WRAP53: variants seen among roughly 807,000 people sequenced by gnomAD.
WRAP53 encodes the protein WD repeat containing antisense to TP53.
WRAP53 carries 28 observed loss-of-function variants against 56.6 expected under a neutral mutation model. The ratio of observed to expected loss-of-function variants is 0.50; its 90% CI spans 0.37 to 0.68. The LOEUF (loss-of-function observed/expected upper bound fraction) is 0.68. Among genes scored for constraint, WRAP53 ranks in the 30% least tolerant of loss-of-function variants. The pLI, the probability that WRAP53 is intolerant of heterozygous loss-of-function variation, is 0.00. For synonymous variants in WRAP53, 283 were observed against 283.4 expected, an observed-to-expected ratio of 1.00 and a Z score of 0.01; for missense variants, 671 against 715.5, an observed-to-expected ratio of 0.94 and a Z score of 0.71.
At chr17:7,691,612 C>T (rs1359624935) in intron 4 of WRAP53, among the ~76,000 whole-genome samples, 1 of 151,900 alleles carries the variant, frequency 6.6e-6, no homozygotes, top group Non-Finnish European at 1.5e-5. Context: ...AGGATGGTCT[C>T]GTACTCCTGA....
At chr17:7,694,060 A>C in intron 4 of WRAP53, among the ~76,000 whole-genome samples, 1 of 152,110 alleles carries the variant, frequency 6.6e-6, no homozygotes, top group Non-Finnish European at 1.5e-5. Context: ...AGGCGGGTGG[A>C]TCACCTAAGG....
At chr17:7,691,252 C>T (rs1840414630) in intron 4 of WRAP53, among the ~76,000 whole-genome samples, 1 of 150,294 alleles carries the variant, frequency 6.7e-6, no homozygotes, top group Admixed American at 6.6e-5. Context: ...AAACACAAAA[C>T]AAAAAACCCA....
intron 4 of WRAP53, among the ~76,000 whole-genome samples, chr17:7,697,541 C>G (rs1453769970): frequency 1.3e-5 from 2 of 151,816 alleles, no homozygotes; most frequent in Non-Finnish European, 2.9e-5. Flanking sequence ...TGCCTGTGGT[C>G]CCGGCTCCTT....
chr17:7,699,469 TA>T (rs2074233607), intron 4 of WRAP53, among the ~76,000 whole-genome samples: 1 of 10,838 alleles, frequency 9.2e-5, no homozygotes, highest in Non-Finnish European at 1.3e-4. Flanking sequence ...TATATATATA[TA>T]TATATTTATA....
In WRAP53 at chr17:7,701,134, A is replaced by G. The variant is rs1321191575; in HGVS notation, c.731+305A>G. ...ATTACAGGTGTGCACCACCACACCC[A>G]GCTAATTGTGTATTTTTCATAGAGA... is the stretch of plus-strand genomic sequence containing the variant. On this transcript the variant is annotated intron_variant, in intron 5 of 10. Coordinates refer to ENST00000396463, the MANE Select transcript of WRAP53 (RefSeq NM_001143992.2). This position sits in a 1 kb window ranked among gnomAD's most constrained non-coding sequence, Gnocchi z 4.2. Among the ~76,000 whole-genome samples the G allele has an allele frequency of 1.3e-5, 2 of 152,118 alleles. No homozygotes were observed. Among genetic ancestry groups the G allele is most frequent in the African/African-American group, 2.4e-5 (1 of 41,444 alleles).
At chr17:7,686,591 G>T (rs1402641303), upstream of WRAP53, 1 of 152,248 alleles carries the variant, frequency 6.6e-6, no homozygotes, top group East Asian at 1.9e-4. Context: ...CCGGCCTAAA[G>T]GACATTTTCT....
Position 7,703,357 on chromosome 17 carries a change from C to G in WRAP53, c.1518C>G (p.Arg506=), listed in dbSNP as rs1426273101. The G allele has an allele frequency of 4.3e-6, 7 of 1,614,036 alleles. No homozygotes were observed. The South Asian group carries it at 7.7e-5, about 18-fold the overall frequency. Residue 506 remains arginine (R), a synonymous_variant, in exon 11 of 11, where the codon CGC becomes CGG. Transcript: ENST00000396463. ...TGGGCCTTCCCTTGCTCTCCACGCG[C>G]CACGTCCACCTTGAATGTCGGCTTC... ...EELGLPLLST[R]HVHLECRLQL...
chr17:7,686,117 A>AG (rs1567566734), upstream of WRAP53: 1 of 152,206 alleles, frequency 6.6e-6, no homozygotes, highest in Admixed American at 6.5e-5. Flanking sequence ...CTCGGGCCGG[A>AG]GGGCTGCACG....
chr17:7,693,326 C>G (rs1270786808), intron 4 of WRAP53, among the ~76,000 whole-genome samples: 1 of 152,076 alleles, frequency 6.6e-6, no homozygotes, highest in Non-Finnish European at 1.5e-5. Context: ...TCTTTCCTGG[C>G]AAGTTAAATG....
intron 4 of WRAP53, among the ~76,000 whole-genome samples, chr17:7,699,522 T>TTTATATATATATATATATATATATA (rs1429418083): frequency 7.1e-5 from 1 of 14,108 alleles, no homozygotes; most frequent in African/African-American, 3.5e-4. Flanking sequence ...ATATATATAT[T>TTTATATATATATATATATATATATA]TATATATATA....
At chr17:7,689,535 C>T in intron 3 of WRAP53, 55 bp from the exon 4 acceptor site, 1 of 1,550,840 alleles carries the variant, frequency 6.4e-7, no homozygotes, top group South Asian at 1.1e-5. Flanking sequence ...CAGCCCTAGC[C>T]CTACACTTGA....
rs1434364608 is a variant in WRAP53 at position 7,702,739 on chromosome 17, C to G, written c.1165-4C>G. The G allele has an allele frequency of 1.2e-6, 2 of 1,613,154 alleles. No homozygotes were observed. Among genetic ancestry groups the G allele is most frequent in the Non-Finnish European group, 1.7e-6 (2 of 1,179,960 alleles). ...TGACTCCAGGTCCTGTTCCTTGTCT[C>G]CAGGATGCTGAGCTCCTGTGCTGGG... On this transcript the variant is annotated splice_polypyrimidine_tract_variant and splice_region_variant and intron_variant, in intron 8 of 10. Transcript: ENST00000396463. The surrounding 1 kb of genome is among the most constrained non-coding windows in gnomAD (Gnocchi z 5.0).
chr17:7,695,372 C>A (rs1235861520), intron 4 of WRAP53, among the ~76,000 whole-genome samples: 1 of 152,124 alleles, frequency 6.6e-6, no homozygotes, highest in East Asian at 1.9e-4. Flanking sequence ...TTTCTCCTTT[C>A]TTTTCCACCT....
At chr17:7,700,887 C>G in intron 5 of WRAP53, 58 bp downstream of exon 5, 1 of 1,320,616 alleles carries the variant, frequency 7.6e-7, no homozygotes, top group Non-Finnish European at 1.1e-6. Flanking sequence ...AGCAGGGCCT[C>G]TTGGGAGAGT....
chr17:7,691,909 T>A (rs189069037), intron 4 of WRAP53, among the ~76,000 whole-genome samples: 1 of 151,980 alleles, frequency 6.6e-6, no homozygotes, highest in Admixed American at 6.5e-5. Flanking sequence ...CCATCTCAGC[T>A]CACCGCAACC....
Position 7,701,735 on chromosome 17 carries a change from C to T in WRAP53, c.901C>T (p.Arg301Cys), listed in dbSNP as rs774657140. The T allele has an allele frequency of 1.1e-5, 17 of 1,614,096 alleles. No individual in the cohort carries two copies. Among genetic ancestry groups the T allele is most frequent in the African/African-American group, 1.3e-5 (1 of 74,932 alleles). Residue 301 changes from arginine to cysteine, a missense_variant, in exon 7 of 11, where the codon CGT (arginine) becomes TGT (cysteine). By Grantham distance (180) the Arg-to-Cys change is radical. Transcript: ENST00000396463. The surrounding 1 kb of genome is among the most constrained non-coding windows in gnomAD (Gnocchi z 4.2). ...QLFCGFNRTV[R>C]VFSTARPGRD... is the part of the protein sequence containing the mutation. ...CTTCTGTGGCTTCAACCGGACTGTG[C>T]GTGTTTTTTCCACGGCCCGGCCTGG...
At chr17:7,703,203 C>T (rs750411213) in intron 10 of WRAP53, 40 bp from the exon 11 acceptor site, 2 of 1,613,148 alleles carry the variant, frequency 1.2e-6, no homozygotes, top group Non-Finnish European at 1.7e-6. Context: ...CAAGTGTCCT[C>T]ACTGAAGGCA....
At chr17:7,699,901 AT>A (rs2074251849) in intron 4 of WRAP53, among the ~76,000 whole-genome samples, 2 of 148,606 alleles carry the variant, frequency 1.3e-5, no homozygotes, top group Admixed American at 6.7e-5. Context: ...TGCCCAGCTA[AT>A]TTTTTTTTCT....
At chr17:7,686,830 G>T (rs1305356195), upstream of WRAP53, 1 of 152,770 alleles carries the variant, frequency 6.5e-6, no homozygotes, top group East Asian at 1.9e-4. Flanking sequence ...ATCTAGCGGA[G>T]CCGGGGGCTG....
Sources: gnomAD v4.1 joint callset for allele counts (sites outside exome capture counted in the v4.1 genomes callset) on GRCh38, gnomAD v4.1.1 for gene constraint, Gnocchi (gnomAD v3.1) non-coding constraint, MANE v1.5 for transcripts, NCBI Gene and HGNC (gene_info 2026-07-23, HGNC 2026-07-21) for gene names.